PCDHGA3: variants seen among roughly 807,000 people sequenced by gnomAD.
PCDHGA3 encodes the protein protocadherin gamma subfamily A, 3, also known as protocadherin gamma-A3.
Under a neutral mutation model 58.5 loss-of-function variants are expected in PCDHGA3, and 40 were observed. The observed-to-expected ratio is 0.68, with a 90% confidence interval of 0.53 to 0.89. The LOEUF (loss-of-function observed/expected upper bound fraction) is 0.89. Among genes scored for constraint, PCDHGA3 ranks in the 40% least tolerant of loss-of-function variants. The pLI is 0.00. For missense variants in PCDHGA3, 1,223 were observed against 1,195.9 expected (o/e 1.02, Z -0.33); for synonymous variants, 530 against 525.7 (o/e 1.01, Z -0.11).
rs764742899 is a variant in PCDHGA3, at chr5:141,487,062, C to T, written c.2425-7745C>T. On this transcript the variant is annotated intron_variant, in intron 1 of 3. Transcript: ENST00000253812. This position sits in a 1 kb window ranked among gnomAD's most constrained non-coding sequence, Gnocchi z 5.0. Reference sequence around the variant, plus strand: ...TCTCGATATGCTGGGGAGGTGCGGACGGCTGTTCCTATCCCAGCTGACCTC... The same window carrying T: ...TCTCGATATGCTGGGGAGGTGCGGATGGCTGTTCCTATCCCAGCTGACCTC... 2.8e-5 allele frequency: 45 copies of T among 1,613,980 alleles called. No homozygotes were observed. Among genetic ancestry groups the T allele is most frequent in the East Asian group, 1.3e-4 (6 of 44,874 alleles).
chr5:141,467,008 A>T (rs1319152720), intron 1 of PCDHGA3, among the ~76,000 whole-genome samples: 1 of 150,270 alleles, frequency 6.7e-6, no homozygotes, highest in African/African-American at 2.4e-5. Context: ...TTGCAATGCA[A>T]TTTTTTTCCC....
intron 1 of PCDHGA3, among the ~76,000 whole-genome samples, chr5:141,373,124 C>A (rs933714666): frequency 1.3e-5 from 2 of 152,188 alleles, no homozygotes; most frequent in Non-Finnish European, 2.9e-5. Context: ...GAATTAGACC[C>A]AAATCCTCAC....
chr5:141,410,617 T>A, intron 1 of PCDHGA3: 2 of 1,603,978 alleles, frequency 1.2e-6, no homozygotes, highest in Non-Finnish European at 1.7e-6. Flanking sequence ...AGACTCTGAC[T>A]TCGGTGAGTT....
chr5:141,396,597 G>A (rs2150671251), intron 1 of PCDHGA3: 1 of 151,620 alleles, frequency 6.6e-6, no homozygotes, highest in Middle Eastern at 3.4e-3. Flanking sequence ...TCCAGCCTGG[G>A]CAACAGGGTG....
At chr5:141,370,138 G>C in intron 1 of PCDHGA3, 1 of 413,176 alleles carries the variant, frequency 2.4e-6, no homozygotes, top group Non-Finnish European at 4.3e-6. Flanking sequence ...AGCTGATTTA[G>C]TCACCATTAC....
chr5:141,349,265 G>C (rs1216799971), intron 1 of PCDHGA3, among the ~76,000 whole-genome samples: 1 of 152,022 alleles, frequency 6.6e-6, no homozygotes, highest in Non-Finnish European at 1.5e-5. Flanking sequence ...GAGATGGCTT[G>C]CACCATGTTG....
chr5:141,415,040 C>A (rs772941952), intron 1 of PCDHGA3: 3 of 1,613,520 alleles, frequency 1.9e-6, no homozygotes, highest in Non-Finnish European at 2.5e-6. Flanking sequence ...GGACTCTTCG[C>A]GGTGGGGGAG....
intron 1 of PCDHGA3, among the ~76,000 whole-genome samples, chr5:141,446,664 G>A (rs116573282): frequency 0.012 from 1,821 of 152,192 alleles, 38 homozygotes; most frequent in African/African-American, 0.042. Context: ...TTTAGTACAA[G>A]ACAGCATTTC....
intron 1 of PCDHGA3, chr5:141,382,975 G>C (rs1459980689): frequency 6.2e-7 from 1 of 1,610,700 alleles, no homozygotes; most frequent in Non-Finnish European, 8.5e-7. Context: ...CCCCTGGGAA[G>C]CCTGGGCAGG....
At chr5:141,502,552 T>C (rs1217408446) in intron 2 of PCDHGA3, among the ~76,000 whole-genome samples, 1 of 152,146 alleles carries the variant, frequency 6.6e-6, no homozygotes, top group Non-Finnish European at 1.5e-5. Context: ...AAAAACAGTG[T>C]CCCAGATCTC....
chr5:141,354,760 T>C (rs190195558), intron 1 of PCDHGA3, among the ~76,000 whole-genome samples: 1 of 152,254 alleles, frequency 6.6e-6, no homozygotes, highest in East Asian at 1.9e-4. Context: ...AGAACACATC[T>C]TAGGAAAAAA....
chr5:141,429,048 G>A (rs2097180589), intron 1 of PCDHGA3: 5 of 152,064 alleles, frequency 3.3e-5, no homozygotes, highest in Admixed American at 3.3e-4. Context: ...TACAGACGGG[G>A]TTTCACCGTG....
intron 1 of PCDHGA3, chr5:141,399,613 G>A: frequency 6.2e-7 from 1 of 1,613,928 alleles, no homozygotes; most frequent in Non-Finnish European, 8.5e-7. Context: ...AGAGCCTCTG[G>A]CACTGGCCTC....
intron 1 of PCDHGA3, among the ~76,000 whole-genome samples, chr5:141,460,407 TTG>T: frequency 6.6e-6 from 1 of 152,188 alleles, no homozygotes; most frequent in Non-Finnish European, 1.5e-5. Flanking sequence ...TCCTTTTGAG[TTG>T]ATGTTTATGT....
At chr5:141,356,780 A>T in intron 1 of PCDHGA3, 1 of 1,613,938 alleles carries the variant, frequency 6.2e-7, no homozygotes, top group Non-Finnish European at 8.5e-7. Flanking sequence ...CAGTTTAGAG[A>T]CCTGCAGCTG....
At chr5:141,395,205 C>T (rs770683946) in intron 1 of PCDHGA3, 2 of 1,613,660 alleles carry the variant, frequency 1.2e-6, no homozygotes, top group Non-Finnish European at 1.7e-6. Flanking sequence ...CGTAGATTTT[C>T]ATGAATATAA....
chr5:141,410,797 CTCTA>C (rs375585060), intron 1 of PCDHGA3: 18 of 676,000 alleles, frequency 2.7e-5, no homozygotes, highest in Middle Eastern at 9.7e-4. Context: ...TCATAAGTTG[CTCTA>C]TCTTTTTGTA....
In PCDHGA3 at chr5:141,486,657, T is replaced by G. The variant is rs1171065175; in HGVS notation, c.2425-8150T>G. On this transcript the variant is annotated intron_variant, in intron 1 of 3. Transcript: ENST00000253812. The surrounding 1 kb of genome is among the most constrained non-coding windows in gnomAD (Gnocchi z 5.0). ...AATGCGCTTATCTCCTACTCACTCC[T>G]GGAGCCCAGGAATCGAGATGTATCA... 3 of 1,614,010 alleles carry G rather than the reference T, an allele frequency of 1.9e-6. No homozygotes were observed. Among genetic ancestry groups the G allele is most frequent in the Non-Finnish European group, 2.5e-6 (3 of 1,180,030 alleles).
intron 1 of PCDHGA3, chr5:141,355,897 G>A: frequency 1.2e-6 from 2 of 1,613,656 alleles, no homozygotes; most frequent in South Asian, 2.2e-5. Flanking sequence ...CATAATACTT[G>A]TGGATACCAA....
Sources: allele counts gnomAD v4.1 joint callset (sites outside exome capture counted in the v4.1 genomes callset), GRCh38; gene constraint gnomAD v4.1.1; non-coding constraint Gnocchi (gnomAD v3.1); transcripts MANE v1.5; gene names NCBI Gene and HGNC (gene_info 2026-07-23, HGNC 2026-07-21).